The following SUCO variants were observed in gnomAD, a reference collection of about 807,000 sequenced individuals.
The protein encoded by SUCO is SUN domain-containing ossification factor.
In SUCO, 57 loss-of-function variants were observed where a neutral mutation model predicts 148.1. The ratio of observed to expected loss-of-function variants is 0.38; its 90% confidence interval spans 0.31 to 0.48. The LOEUF (loss-of-function observed/expected upper bound fraction) is 0.48. Ranked by LOEUF, SUCO falls within the 20% of genes least tolerant of loss-of-function variation. The probability of loss-of-function intolerance (pLI) is 0.96; values close to 1 mark genes in which losing one functional copy is unlikely to be tolerated. For synonymous variants in SUCO, 470 were observed against 502.7 expected, an observed-to-expected ratio of 0.93 and a Z score of 0.87; for missense variants, 1,331 against 1,468.2, an observed-to-expected ratio of 0.91 and a Z score of 1.53.
chr1:172,566,219 GTTACC>G (rs1289962472), intron 6 of SUCO, among the ~76,000 whole-genome samples: 2 of 152,234 alleles, frequency 1.3e-5, no homozygotes, highest in Non-Finnish European at 2.9e-5. Context: ...GCTCTGCTTA[GTTACC>G]TCTCTGGTCA....
chr1:172,572,365 T>C (rs953728035), intron 9 of SUCO, among the ~76,000 whole-genome samples: 1 of 151,992 alleles, frequency 6.6e-6, no homozygotes, highest in African/African-American at 2.4e-5. Flanking sequence ...AGAAAAATTC[T>C]TCTGCCTTGT....
intron 6 of SUCO, among the ~76,000 whole-genome samples, chr1:172,566,895 T>G (rs1348886192): frequency 1.3e-5 from 2 of 152,248 alleles, no homozygotes; most frequent in Non-Finnish European, 2.9e-5. Context: ...CCGGAATCAA[T>G]TGAGTCCTGT....
chr1:172,561,675 C>T (rs1462292754), intron 6 of SUCO, among the ~76,000 whole-genome samples: 1 of 152,026 alleles, frequency 6.6e-6, no homozygotes, highest in East Asian at 1.9e-4. Context: ...ATTTTGCTCC[C>T]CCAGTGCTCA....
At chr1:172,581,345 A>G (rs1655872467) in intron 15 of SUCO, among the ~76,000 whole-genome samples, 1 of 152,258 alleles carries the variant, frequency 6.6e-6, no homozygotes, top group East Asian at 1.9e-4. Flanking sequence ...GTGAGATAAG[A>G]TGGGTGGGAG....
At chr1:172,532,744 G>A (rs1651678660), upstream of SUCO, 5 of 1,613,912 alleles carry the variant, frequency 3.1e-6, no homozygotes, top group South Asian at 3.3e-5. Flanking sequence ...ATTCTGGAAG[G>A]CAAACTACAA....
chr1:172,551,404 T>C (rs1571194733), intron 1 of SUCO, 108 bp from the exon 2 acceptor site: 1 of 595,610 alleles, frequency 1.7e-6, no homozygotes, highest in East Asian at 3.0e-5. Context: ...ATCTGTCTGT[T>C]TATCGCCTCA....
At chr1:172,554,445 G>GT (rs1189580323) in intron 3 of SUCO, among the ~76,000 whole-genome samples, 2 of 152,206 alleles carry the variant, frequency 1.3e-5, no homozygotes, top group South Asian at 4.1e-4. Context: ...GAAATTTACT[G>GT]TAAGTGTAAA....
At chr1:172,552,158 C>T (rs1418248295) in intron 2 of SUCO, 1 of 151,966 alleles carries the variant, frequency 6.6e-6, no homozygotes, top group Non-Finnish European at 1.5e-5. Context: ...TTTAAAATTA[C>T]TGAAGTAATT....
At chr1:172,562,426 C>T (rs1464679052) in intron 6 of SUCO, among the ~76,000 whole-genome samples, 3 of 151,786 alleles carry the variant, frequency 2.0e-5, no homozygotes, top group Non-Finnish European at 2.9e-5. Context: ...CTCCGCCTCC[C>T]GGGTTCAAGT....
intron 22 of SUCO, among the ~76,000 whole-genome samples, chr1:172,605,087 T>G (rs1203518521): frequency 2.6e-5 from 4 of 151,986 alleles, no homozygotes; most frequent in African/African-American, 9.6e-5. Context: ...TAACCCCCAT[T>G]AGATAATATG....
chr1:172,549,813 A>C (rs1160534494), intron 1 of SUCO, among the ~76,000 whole-genome samples: 1 of 151,814 alleles, frequency 6.6e-6, no homozygotes, highest in Non-Finnish European at 1.5e-5. Flanking sequence ...CAGGATGCCT[A>C]GAAGTATTAA....
intron 19 of SUCO, among the ~76,000 whole-genome samples, chr1:172,596,602 A>G (rs370089195): frequency 2.0e-5 from 3 of 152,228 alleles, no homozygotes; most frequent in East Asian, 1.9e-4. Flanking sequence ...AGAACAGCCA[A>G]TATTGCAGAA....
intron 19 of SUCO, among the ~76,000 whole-genome samples, chr1:172,592,300 T>A (rs1237581740): frequency 1.3e-5 from 2 of 152,238 alleles, no homozygotes; most frequent in Non-Finnish European, 2.9e-5. Flanking sequence ...ATTTGTCAAT[T>A]TCAGCTTTTG....
At chr1:172,571,712 C>T (rs1163154373) in intron 9 of SUCO, among the ~76,000 whole-genome samples, 5 of 87,626 alleles carry the variant, frequency 5.7e-5, no homozygotes, top group African/African-American at 2.1e-4. Flanking sequence ...TGCCCCGCCG[C>T]CCCGTCTGGG....
chr1:172,542,980 A>G, intron 1 of SUCO: 1 of 985,186 alleles, frequency 1.0e-6, no homozygotes, highest in Non-Finnish European at 1.2e-6. Context: ...ATATTTGGAG[A>G]GCTGGTAGGC....
intron 19 of SUCO, among the ~76,000 whole-genome samples, chr1:172,598,018 T>G (rs913351072): frequency 2.0e-5 from 3 of 152,220 alleles, no homozygotes; most frequent in Admixed American, 6.5e-5. Context: ...TAACGCAAAA[T>G]CACAAAGATT....
At chr1:172,563,022 T>G (rs957494898) in intron 6 of SUCO, among the ~76,000 whole-genome samples, 1 of 152,234 alleles carries the variant, frequency 6.6e-6, no homozygotes, top group Non-Finnish European at 1.5e-5. Flanking sequence ...CCCTTTGCCC[T>G]TCTGCTGTGA....
chr1:172,596,826 G>A (rs1470770013), intron 19 of SUCO, among the ~76,000 whole-genome samples: 1 of 152,214 alleles, frequency 6.6e-6, no homozygotes, highest in African/African-American at 2.4e-5. Context: ...GTCAGACGGG[G>A]ACGTTTAAGT....
chr1:172,552,879 A>G (rs1653408103), intron 2 of SUCO, among the ~76,000 whole-genome samples: 3 of 152,068 alleles, frequency 2.0e-5, no homozygotes, highest in Admixed American at 2.0e-4. Flanking sequence ...ACACTCTAGA[A>G]GGCATAAAGG....
Sources: allele counts gnomAD v4.1 joint callset (sites outside exome capture counted in the v4.1 genomes callset), GRCh38; gene constraint gnomAD v4.1.1; transcripts MANE v1.5; gene names NCBI Gene and HGNC (gene_info 2026-07-23, HGNC 2026-07-21).